DHRSX: variants seen among roughly 807,000 people sequenced by gnomAD.
DHRSX encodes polyprenol dehydrogenase.
A neutral mutation model predicts 34.0 loss-of-function variants in DHRSX; 31 were observed. The observed-to-expected ratio is 0.91, with a 90% CI of 0.69 to 1.23. The LOEUF (loss-of-function observed/expected upper bound fraction) is 1.23. DHRSX is among the 50% of genes most tolerant of loss of function. The pLI, the probability that DHRSX is intolerant of heterozygous loss-of-function variation, is 0.00. For synonymous variants in DHRSX, 201 were observed against 183.8 expected, an observed-to-expected ratio of 1.09 and a Z score of -0.76; for missense variants, 414 against 428.1, an observed-to-expected ratio of 0.97 and a Z score of 0.29.
intron 1 of DHRSX, among the ~76,000 whole-genome samples, chrX:2,468,275 G>A (rs914931132): frequency 2.0e-4 from 30 of 152,112 alleles, no homozygotes; most frequent in Non-Finnish European, 4.3e-4. Context: ...GGGTGTAGGG[G>A]AAGAAGGATG....
At chrX:2,426,775 A>G (rs1342834585) in intron 1 of DHRSX, among the ~76,000 whole-genome samples, 1 of 78,674 alleles carries the variant, frequency 1.3e-5, no homozygotes, top group African/African-American at 5.2e-5. Flanking sequence ...TTTCCTCTTT[A>G]CTTCCTTCTC....
intron 6 of DHRSX, among the ~76,000 whole-genome samples, chrX:2,234,912 T>C (rs1485710211): frequency 6.6e-6 from 1 of 152,154 alleles, no homozygotes; most frequent in Non-Finnish European, 1.5e-5. Flanking sequence ...GGTTTCACCA[T>C]ATTGGTCAGG....
At chrX:2,284,083 T>C (rs2041772145) in intron 4 of DHRSX, among the ~76,000 whole-genome samples, 1 of 152,242 alleles carries the variant, frequency 6.6e-6, no homozygotes, top group African/African-American at 2.4e-5. Flanking sequence ...TTTGAATTCA[T>C]TCCTTCATTT....
chrX:2,351,401 T>C (rs1474524801), intron 3 of DHRSX, among the ~76,000 whole-genome samples: 1 of 152,188 alleles, frequency 6.6e-6, no homozygotes, highest in African/African-American at 2.4e-5. Flanking sequence ...CACCTGCTTA[T>C]AAATATGCCT....
intron 3 of DHRSX, among the ~76,000 whole-genome samples, chrX:2,341,350 C>T (rs767363149): frequency 2.0e-5 from 3 of 152,096 alleles, no homozygotes; most frequent in Non-Finnish European, 2.9e-5. Flanking sequence ...TCTGTGAAAT[C>T]GAGGTGCCTA....
chrX:2,294,518 A>G (rs2041906212), intron 3 of DHRSX, among the ~76,000 whole-genome samples: 1 of 151,976 alleles, frequency 6.6e-6, no homozygotes, highest in Non-Finnish European at 1.5e-5. Flanking sequence ...TACAAAAATT[A>G]GGCGACTGTG....
At chrX:2,381,953 G>C (rs1367882056) in intron 3 of DHRSX, among the ~76,000 whole-genome samples, 1 of 152,152 alleles carries the variant, frequency 6.6e-6, no homozygotes, top group Admixed American at 6.5e-5. Context: ...ACATGGCATT[G>C]TTTGCAAGCT....
chrX:2,319,800 T>TA (rs1330213412), intron 3 of DHRSX, among the ~76,000 whole-genome samples: 2 of 151,526 alleles, frequency 1.3e-5, no homozygotes, highest in Admixed American at 1.3e-4. Flanking sequence ...TCAGTACCCC[T>TA]AACCCCCGTG....
At chrX:2,326,161 C>T (rs1369333977) in intron 3 of DHRSX, among the ~76,000 whole-genome samples, 1 of 152,164 alleles carries the variant, frequency 6.6e-6, no homozygotes, top group Non-Finnish European at 1.5e-5. Flanking sequence ...GGAGCCAGCA[C>T]CTGATGGACA....
rs1044633267 is a variant in DHRSX at position 2,286,244 on chromosome X, T to C, written c.388+5258A>G. Among the ~76,000 whole-genome samples the C allele has an allele frequency of 4.6e-5, 7 of 152,126 alleles. No homozygotes were observed. In the South Asian group the frequency reaches 6.2e-4, roughly 14 times the overall value. The stretch of plus-strand genomic sequence containing the variant: ...CTCCAGCACACGGGCTTGTGCTGAA[T>C]CCATTCTCAGTGCTGACTGTATAGA... On this transcript the variant is annotated intron_variant, in intron 4 of 6. Coordinates refer to ENST00000334651, the MANE Select transcript of DHRSX (RefSeq NM_145177.3).
At chrX:2,414,232 C>T (rs942695279) in intron 2 of DHRSX, among the ~76,000 whole-genome samples, 2 of 151,912 alleles carry the variant, frequency 1.3e-5, no homozygotes, top group African/African-American at 4.8e-5. Flanking sequence ...CCCAACTATA[C>T]CTCATCATAA....
intron 3 of DHRSX, among the ~76,000 whole-genome samples, chrX:2,372,220 A>G (rs73630291): frequency 3.0e-4 from 46 of 152,158 alleles, no homozygotes; most frequent in Admixed American, 3.0e-3. Context: ...AACCAGAAAA[A>G]TTCACAATTT....
intron 1 of DHRSX, among the ~76,000 whole-genome samples, chrX:2,492,775 GGAGGGAGCGCAGCCCT>G (rs1418095369): frequency 6.6e-5 from 10 of 152,208 alleles, no homozygotes; most frequent in African/African-American, 9.7e-5. Flanking sequence ...GTAAGCCTCC[GGAGGGAGCGCAGCCCT>G]GAGACACTTT....
intron 3 of DHRSX, among the ~76,000 whole-genome samples, chrX:2,378,916 C>A (rs2043172985): frequency 6.6e-6 from 1 of 152,168 alleles, no homozygotes; most frequent in African/African-American, 2.4e-5. Context: ...AGGTGATTCG[C>A]CTGCCTCAAC....
chrX:2,469,236 G>C (rs188777245), intron 1 of DHRSX, among the ~76,000 whole-genome samples: 12 of 149,486 alleles, frequency 8.0e-5, no homozygotes, highest in African/African-American at 2.7e-4. Flanking sequence ...CCAAGGGACC[G>C]CACTGAAGAA....
intron 3 of DHRSX, among the ~76,000 whole-genome samples, chrX:2,361,905 TAC>T (rs2042938673): frequency 6.6e-6 from 1 of 152,200 alleles, no homozygotes; most frequent in South Asian, 2.1e-4. Context: ...AAAAATTAAT[TAC>T]AGAGTGTGGC....
intron 3 of DHRSX, among the ~76,000 whole-genome samples, chrX:2,376,837 T>C (rs1267360167): frequency 2.0e-5 from 3 of 151,860 alleles, no homozygotes; most frequent in African/African-American, 7.3e-5. Context: ...CTACTAAAAA[T>C]ACAAAAATTA....
chrX:2,357,480 A>G (rs1451710146), intron 3 of DHRSX, among the ~76,000 whole-genome samples: 4 of 152,160 alleles, frequency 2.6e-5, no homozygotes, highest in Non-Finnish European at 5.9e-5. Flanking sequence ...GGAGCTTTAA[A>G]GATCAAGAGA....
chrX:2,336,688 C>T (rs776118557), intron 3 of DHRSX, among the ~76,000 whole-genome samples: 1 of 151,926 alleles, frequency 6.6e-6, no homozygotes, highest in African/African-American at 2.4e-5. Context: ...CAACCTCTGC[C>T]TCCCAGGTTC....
Sources: allele counts gnomAD v4.1 joint callset (sites outside exome capture counted in the v4.1 genomes callset), GRCh38; gene constraint gnomAD v4.1.1; transcripts MANE v1.5; gene names NCBI Gene and HGNC (gene_info 2026-07-23, HGNC 2026-07-21).